The following DCDC1 variants were observed in gnomAD, a reference collection of about 807,000 sequenced individuals.
The protein encoded by DCDC1 is doublecortin domain-containing protein 1.
A neutral mutation model predicts 178.3 loss-of-function variants in DCDC1; 200 were observed. That is an observed-to-expected ratio of 1.12 (90% CI 1.00 to 1.26). The LOEUF (loss-of-function observed/expected upper bound fraction) is 1.26, where lower values mean the gene tolerates loss of function less well. Ranked by LOEUF, DCDC1 falls within the 50% of genes most tolerant of loss-of-function variation. DCDC1 has a pLI of 0.00. For missense variants in DCDC1, 1,983 were observed against 1,749.2 expected, an observed-to-expected ratio of 1.13 and a Z score of -2.38; for synonymous variants, 690 against 604.8, an observed-to-expected ratio of 1.14 and a Z score of -2.07.
chr11:31,265,507 C>T lies in DCDC1; in HGVS notation c.1054G>A (p.Val352Ile). 7.1e-7 allele frequency: 1 copy of T among 1,405,378 alleles called. No individual in the cohort carries two copies. The highest frequency in any genetic ancestry group is 1.7e-5 in the South Asian group (1 of 57,908). 87.1% of individuals were successfully genotyped at this position (1,405,378 alleles called of 1,614,324 possible). A position where few individuals can be genotyped will look rare whatever the true frequency, so the allele number is the denominator to read the frequency against. ...YGRKIEDISKVPLLEKCLQNS... is the reference protein window; with the variant it reads ...YGRKIEDISKIPLLEKCLQNS... ...GGTTTACAAAATCTTTGCCACTTAC[C>T]TTTTGAAATATCTTCAATTTTTCTG... Residue 352 changes from valine to isoleucine, a missense_variant and splice_region_variant, in exon 8 of 39, where the codon GTT (valine) becomes ATT (isoleucine). Transcript: ENST00000684477.
intron 7 of DCDC1, among the ~76,000 whole-genome samples, chr11:31,268,758 CAA>C (rs1464184927): frequency 2.6e-5 from 4 of 152,144 alleles, no homozygotes; most frequent in Non-Finnish European, 5.9e-5. Context: ...ATTGCTGGGT[CAA>C]ATGGTAGTTC....
chr11:31,042,306 T>C (rs755843580), intron 20 of DCDC1, among the ~76,000 whole-genome samples: 7 of 152,236 alleles, frequency 4.6e-5, no homozygotes, highest in Non-Finnish European at 7.3e-5. Context: ...ACACAGAATG[T>C]AGTAAAATAT....
At chr11:31,068,404 C>T (rs1956373376) in intron 18 of DCDC1, among the ~76,000 whole-genome samples, 2 of 152,094 alleles carry the variant, frequency 1.3e-5, no homozygotes. Context: ...ATACATATTA[C>T]AAAGATGTCC....
chr11:31,214,722 AATAAG>A (rs1973321997), intron 9 of DCDC1, among the ~76,000 whole-genome samples: 1 of 152,220 alleles, frequency 6.6e-6, no homozygotes, highest in Non-Finnish European at 1.5e-5. Flanking sequence ...ACAGGTTACA[AATAAG>A]ATAACAGAAA....
chr11:30,882,918 A>G (rs992541019), intron 36 of DCDC1: 7 of 152,214 alleles, frequency 4.6e-5, no homozygotes, highest in African/African-American at 1.7e-4. Flanking sequence ...ACTCACAGAT[A>G]CACACAGAAA....
intron 7 of DCDC1, 141 bp downstream of exon 7, chr11:31,290,506 A>G: frequency 1.2e-6 from 1 of 851,238 alleles, no homozygotes; most frequent in South Asian, 2.0e-5. Context: ...ACAGGTTTAT[A>G]CAGAATTTTT....
chr11:31,277,222 T>C (rs1946059965), intron 7 of DCDC1, among the ~76,000 whole-genome samples: 1 of 152,132 alleles, frequency 6.6e-6, no homozygotes, highest in South Asian at 2.1e-4. Context: ...TGGCATGTAA[T>C]ATTTTGTACC....
intron 7 of DCDC1, among the ~76,000 whole-genome samples, chr11:31,290,264 C>G (rs1033910112): frequency 4.6e-5 from 7 of 152,080 alleles, no homozygotes; most frequent in African/African-American, 1.7e-4. Context: ...GGTCTTACCA[C>G]TATTCTAAAT....
At position 30,903,666 on chromosome 11, in the gene DCDC1, C is replaced by A; in HGVS notation, c.4326G>T (p.Thr1442=). The change falls in exon 32 of 39, where the codon ACG becomes ACT. Residue 1442 remains threonine, a synonymous_variant. Transcript: ENST00000684477. ...CTGCTCTGGCAAGCCCAAGTTGTTCCGTGCATTCTGTAAGAAGCTAGATAA... is the reference window on the plus strand; with the variant it reads ...CTGCTCTGGCAAGCCCAAGTTGTTCAGTGCATTCTGTAAGAAGCTAGATAA... ...GTFPMLLTEC[T]EQLGLARAAS... is the part of the protein sequence containing the mutation. The A allele has an allele frequency of 6.2e-7, 1 of 1,603,400 alleles. No homozygotes were observed. Among genetic ancestry groups the A allele is most frequent in the South Asian group, 1.1e-5 (1 of 88,262 alleles).
chr11:30,881,812 G>A (rs1471589900), intron 36 of DCDC1, among the ~76,000 whole-genome samples: 1 of 152,026 alleles, frequency 6.6e-6, no homozygotes, highest in African/African-American at 2.4e-5. Context: ...AAAGTCTTTT[G>A]TTTTCAACTG....
intron 25 of DCDC1, among the ~76,000 whole-genome samples, chr11:30,917,653 A>T (rs140819672): frequency 6.6e-6 from 1 of 152,362 alleles, no homozygotes; most frequent in Non-Finnish European, 1.5e-5. Context: ...AGTAGCCGCC[A>T]TATAGATCTG....
intron 9 of DCDC1, among the ~76,000 whole-genome samples, chr11:31,175,250 A>G (rs998879889): frequency 1.3e-5 from 2 of 152,204 alleles, no homozygotes; most frequent in Non-Finnish European, 2.9e-5. Flanking sequence ...CACCTGTGCC[A>G]GGGCCTGGAG....
intron 38 of DCDC1, among the ~76,000 whole-genome samples, chr11:30,873,212 T>A (rs939954894): frequency 1.1e-4 from 17 of 150,278 alleles, no homozygotes; most frequent in Admixed American, 8.7e-4. Flanking sequence ...GAAGATAGAG[T>A]AATAAAAATC....
chr11:30,925,528 G>T (rs927736264), intron 22 of DCDC1, 120 bp from the exon 23 acceptor site: 3 of 840,108 alleles, frequency 3.6e-6, no homozygotes, highest in Admixed American at 2.5e-5. Context: ...AGGACTGTTA[G>T]TCATGAGCTG....
chr11:31,151,398 T>C (rs759977161), intron 9 of DCDC1, among the ~76,000 whole-genome samples: 1 of 152,170 alleles, frequency 6.6e-6, no homozygotes, highest in Non-Finnish European at 1.5e-5. Context: ...CAAATTACAT[T>C]TGGAGCCTTT....
At chr11:31,253,728 T>C (rs1199999188) in intron 8 of DCDC1, among the ~76,000 whole-genome samples, 1 of 152,212 alleles carries the variant, frequency 6.6e-6, no homozygotes, top group Non-Finnish European at 1.5e-5. Flanking sequence ...TAGTATGTGC[T>C]TTTTTCTTTA....
chr11:31,163,921 T>G (rs907520654), intron 9 of DCDC1, among the ~76,000 whole-genome samples: 1 of 152,218 alleles, frequency 6.6e-6, no homozygotes, highest in African/African-American at 2.4e-5. Context: ...TGACAAATTC[T>G]TTCACTTCTT....
intron 8 of DCDC1, among the ~76,000 whole-genome samples, chr11:31,245,383 C>G (rs998625428): frequency 1.3e-5 from 2 of 151,638 alleles, no homozygotes; most frequent in African/African-American, 2.4e-5. Flanking sequence ...AGACAGTCTT[C>G]TGGGTAAGTT....
chr11:31,118,130 T>C (rs994536235), intron 11 of DCDC1, among the ~76,000 whole-genome samples: 6 of 152,128 alleles, frequency 3.9e-5, no homozygotes, highest in African/African-American at 7.2e-5. Flanking sequence ...ATGAACATTG[T>C]AGGATTAAAT....
Sources: allele counts gnomAD v4.1 joint callset (sites outside exome capture counted in the v4.1 genomes callset), GRCh38; gene constraint gnomAD v4.1.1; transcripts MANE v1.5; gene names NCBI Gene and HGNC (gene_info 2026-07-23, HGNC 2026-07-21).